Variants in IL1R1 observed in about 807,000 individuals in gnomAD.
IL1R1 encodes the protein interleukin-1 receptor type 1.
IL1R1 carries 22 observed loss-of-function variants against 50.2 expected under a neutral mutation model. That is an observed-to-expected ratio of 0.44 (90% CI 0.31 to 0.63). IL1R1 has a LOEUF of 0.63. Ranked by LOEUF, IL1R1 falls within the 20% of genes least tolerant of loss-of-function variation. The probability of loss-of-function intolerance (pLI) is 0.07; values close to 1 mark genes in which losing one functional copy is unlikely to be tolerated. For synonymous variants in IL1R1, 251 were observed against 236.7 expected, an observed-to-expected ratio of 1.06 and a Z score of -0.55; for missense variants, 509 against 676.2, an observed-to-expected ratio of 0.75 and a Z score of 2.74.
At chr2:102,150,060 G>A (rs1054351495) in intron 1 of IL1R1, among the ~76,000 whole-genome samples, 47 of 152,306 alleles carry the variant, frequency 3.1e-4, no homozygotes, top group Non-Finnish European at 6.6e-4. Flanking sequence ...ATCCTAGAAG[G>A]CAGGGCTCAC....
intron 1 of IL1R1, among the ~76,000 whole-genome samples, chr2:102,099,348 T>C (rs1277123903): frequency 6.6e-6 from 1 of 152,202 alleles, no homozygotes; most frequent in Non-Finnish European, 1.5e-5. Flanking sequence ...CCAGTGGCCT[T>C]TGTTTGAGTT....
rs150627128 is a variant in IL1R1, at chr2:102,114,260, A to G, written c.-84+9388A>G. Among the ~76,000 whole-genome samples, 512 of 152,370 alleles carry G rather than the reference A, an allele frequency of 3.4e-3. 6 individuals carry two copies. Among genetic ancestry groups the G allele is most frequent in the African/African-American group, 0.012 (487 of 41,586 alleles). On this transcript the variant is annotated intron_variant, in intron 1 of 10. Coordinates refer to the IL1R1 transcript ENST00000409329. ...CATATCATAATAAAGTACAAATTCA[A>G]GTAAAGTAGGGACTTGGTAGATGTT...
chr2:102,172,039 T>C (rs887013138), intron 8 of IL1R1, 121 bp downstream of exon 8: 291 of 418,314 alleles, frequency 7.0e-4, no homozygotes, highest in Non-Finnish European at 9.2e-4. Flanking sequence ...GCCTTTTTTT[T>C]TTTTTTTTTT....
chr2:102,114,966 C>G (rs943973182), intron 1 of IL1R1, among the ~76,000 whole-genome samples: 1 of 152,152 alleles, frequency 6.6e-6, no homozygotes, highest in African/African-American at 2.4e-5. Context: ...TGAAAATGGA[C>G]ATTGCTGCTG....
chr2:102,129,205 T>C (rs912840057), intron 1 of IL1R1, among the ~76,000 whole-genome samples: 1 of 151,854 alleles, frequency 6.6e-6, no homozygotes, highest in Non-Finnish European at 1.5e-5. Flanking sequence ...AGTGAGACCT[T>C]GTCTCAACAA....
chr2:102,160,050 A>G (rs1215541897), intron 3 of IL1R1, among the ~76,000 whole-genome samples: 1 of 152,164 alleles, frequency 6.6e-6, no homozygotes, highest in Non-Finnish European at 1.5e-5. Context: ...CCCCCACTCC[A>G]CCATATTGGA....
intron 1 of IL1R1, among the ~76,000 whole-genome samples, chr2:102,079,243 A>C (rs1679106179): frequency 6.6e-6 from 1 of 152,162 alleles, no homozygotes; most frequent in Admixed American, 6.5e-5. Flanking sequence ...CTTCTATTCA[A>C]CATTGTACTA....
At chr2:102,136,445 T>G (rs1038973890) in intron 1 of IL1R1, among the ~76,000 whole-genome samples, 1 of 149,386 alleles carries the variant, frequency 6.7e-6, no homozygotes, top group Non-Finnish European at 1.5e-5. Context: ...GGCACGATCT[T>G]GGCTCATTGC....
chr2:102,118,377 C>T (rs871195), intron 1 of IL1R1, among the ~76,000 whole-genome samples: 2 of 151,972 alleles, frequency 1.3e-5, no homozygotes, highest in Admixed American at 1.3e-4. Context: ...CTTCTGTATC[C>T]TTTATTGTAT....
At chr2:102,086,781 A>G (rs1679449655) in intron 1 of IL1R1, among the ~76,000 whole-genome samples, 1 of 152,062 alleles carries the variant, frequency 6.6e-6, no homozygotes, top group African/African-American at 2.4e-5. Context: ...ATATTTGTTC[A>G]CTCATCAATA....
chr2:102,137,789 T>C (rs574169007), upstream of IL1R1, among the ~76,000 whole-genome samples: 110 of 152,328 alleles, frequency 7.2e-4, 1 homozygote, highest in Non-Finnish European at 1.8e-4. Context: ...TTTGCAGTTA[T>C]CTTTAGTTTA....
chr2:102,158,963 G>A (rs187335777), intron 3 of IL1R1, among the ~76,000 whole-genome samples: 4 of 152,308 alleles, frequency 2.6e-5, no homozygotes, highest in Admixed American at 6.5e-5. Context: ...AATATTTTGG[G>A]AACAGAACCA....
chr2:102,112,934 A>G (rs1051140934), intron 1 of IL1R1, among the ~76,000 whole-genome samples: 13 of 152,216 alleles, frequency 8.5e-5, no homozygotes, highest in Admixed American at 2.0e-4. Context: ...AAGAGGCCAG[A>G]GAACTAGCTA....
chr2:102,081,834 G>A (rs184586320), intron 1 of IL1R1, among the ~76,000 whole-genome samples: 21 of 152,304 alleles, frequency 1.4e-4, no homozygotes, highest in Admixed American at 1.3e-3. Context: ...TGGTGGCTGT[G>A]AGATGAACTA....
chr2:102,154,533 G>A (rs994875763), intron 2 of IL1R1, among the ~76,000 whole-genome samples: 1 of 152,048 alleles, frequency 6.6e-6, no homozygotes, highest in African/African-American at 2.4e-5. Context: ...ACCTCAGCGA[G>A]TCTGGCCCAG....
At chr2:102,104,241 G>A (rs1461243262), upstream of IL1R1, among the ~76,000 whole-genome samples, 1 of 152,148 alleles carries the variant, frequency 6.6e-6, no homozygotes, top group South Asian at 2.1e-4. Context: ...AAAGAGTCCT[G>A]CAGCATTGCC....
intron 3 of IL1R1, 73 bp from the exon 4 acceptor site, chr2:102,164,701 C>A: frequency 1.1e-6 from 1 of 919,864 alleles, no homozygotes; most frequent in Non-Finnish European, 1.7e-6. Flanking sequence ...CAATGTGTTT[C>A]TTCGTAGATA....
chr2:102,176,705 G>C lies in IL1R1; in HGVS notation c.1656G>C (p.Leu552=), dbSNP rs199664586. ...RRSPSSKHQL[L]SPATKEKLQR... ...CACCTTCATCTAAACACCAGTTACTGTCACCAGCCACTAAGGAGAAACTGC... is the reference window on the plus strand; with the variant it reads ...CACCTTCATCTAAACACCAGTTACTCTCACCAGCCACTAAGGAGAAACTGC... The change falls in exon 12 of 12, where the codon CTG becomes CTC. Residue 552 remains leucine (L), a synonymous_variant. Coordinates refer to ENST00000410023, the MANE Select transcript of IL1R1 (RefSeq NM_000877.4). 3.2e-5 allele frequency: 51 copies of C among 1,614,054 alleles called. No homozygotes were observed. Among genetic ancestry groups the C allele is most frequent in the Admixed American group, 3.3e-5 (2 of 60,006 alleles).
chr2:102,158,687 G>C (rs1684426299), intron 3 of IL1R1, among the ~76,000 whole-genome samples: 1 of 152,210 alleles, frequency 6.6e-6, no homozygotes, highest in Non-Finnish European at 1.5e-5. Context: ...GCAGAGGGTT[G>C]ATTATATGGA....
Sources: gnomAD v4.1 joint callset for allele counts (sites outside exome capture counted in the v4.1 genomes callset) on GRCh38, gnomAD v4.1.1 for gene constraint, MANE v1.5 for transcripts, NCBI Gene and HGNC (gene_info 2026-07-23, HGNC 2026-07-21) for gene names.